NT5C1B: variants seen among roughly 807,000 people sequenced by gnomAD.
NT5C1B encodes the protein 5'-nucleotidase, cytosolic IB.
Under a neutral mutation model 57.8 loss-of-function variants are expected in NT5C1B, and 44 were observed. That is an observed-to-expected ratio of 0.76 (90% CI 0.60 to 0.98). The LOEUF is 0.98. Among genes scored for constraint, NT5C1B ranks in the 50% least tolerant of loss-of-function variants. The pLI is 0.00. For missense variants in NT5C1B, 742 were observed against 719.5 expected, an observed-to-expected ratio of 1.03 and a Z score of -0.36; for synonymous variants, 284 against 282.6, an observed-to-expected ratio of 1.00 and a Z score of -0.05.
rs772283998 is a variant in NT5C1B, at chr2:18,585,050, G to A, written c.259-72C>T. On this transcript the variant is annotated intron_variant, in intron 3 of 8. Coordinates refer to ENST00000304081, the Ensembl canonical transcript of NT5C1B. Reference sequence around the variant, plus strand: ...CTCCGGTCAAGGATCTGTCCCTTCTGCCTATTCCATTCCTAGACCTTTGAT... The same window carrying A: ...CTCCGGTCAAGGATCTGTCCCTTCTACCTATTCCATTCCTAGACCTTTGAT... 5.7e-6 allele frequency: 9 copies of A among 1,582,376 alleles called. No homozygotes were observed. The Admixed American group carries it at 8.3e-5, about 15-fold the overall frequency.
At chr2:18,581,203 A>G (rs1022779564) in intron 6 of NT5C1B, among the ~76,000 whole-genome samples, 1 of 152,236 alleles carries the variant, frequency 6.6e-6, no homozygotes, top group Non-Finnish European at 1.5e-5. Flanking sequence ...CATTGGTACA[A>G]GCTGTCTAGA....
In NT5C1B at chr2:18,584,280, G is replaced by C. The variant is rs1046211528; in HGVS notation, c.724-25C>G. 1.2e-6 allele frequency: 2 copies of C among 1,608,832 alleles called. No homozygotes were observed. Among genetic ancestry groups the C allele is most frequent in the South Asian group, 2.2e-5 (2 of 90,260 alleles). ...GCTGCAGAGAGGGACGCCAAAGGGA[G>C]GATAGTCACATAGCCACGAAGAGGA... is the stretch of plus-strand genomic sequence containing the variant. On this transcript the variant is annotated intron_variant, in intron 4 of 8. Transcript: ENST00000304081. The surrounding 1 kb of genome is among the most constrained non-coding windows in gnomAD (Gnocchi z 5.8).
At chr2:18,571,757 T>C (rs1572326611) in intron 8 of NT5C1B, among the ~76,000 whole-genome samples, 3 of 117,414 alleles carry the variant, frequency 2.6e-5, no homozygotes, top group Non-Finnish European at 5.0e-5. Flanking sequence ...TATATATATA[T>C]ATATATATGT....
intron 8 of NT5C1B, 134 bp downstream of exon 8, chr2:18,576,050 C>A: frequency 1.1e-6 from 1 of 929,582 alleles, no homozygotes; most frequent in Non-Finnish European, 1.5e-6. Context: ...AGAGAAAGCT[C>A]CAAAGATAAG....
At chr2:18,564,924 A>T (rs1664506432) in intron 8 of NT5C1B, among the ~76,000 whole-genome samples, 1 of 152,100 alleles carries the variant, frequency 6.6e-6, no homozygotes, top group Non-Finnish European at 1.5e-5. Context: ...CTTTTATAGT[A>T]CCCTCAGTCC....
rs769662251 is a variant in NT5C1B, at chr2:18,584,093, C to T, written c.886G>A (p.Val296Ile). The change falls in exon 5 of 9, where the codon GTC becomes ATC. Residue 296 changes from valine (V) to isoleucine (I), a missense_variant. Val to Ile is a conservative substitution (Grantham distance 29). Coordinates refer to ENST00000304081, the Ensembl canonical transcript of NT5C1B. This position sits in a 1 kb window ranked among gnomAD's most constrained non-coding sequence, Gnocchi z 5.8. ...AAAGACAGCTTGCAGAATACCTTGA[C>T]GAAGCGGAACGCCGGGCCCGGGGTC... The T allele has an allele frequency of 6.0e-5, 97 of 1,614,048 alleles. No homozygotes were observed. The highest frequency in any genetic ancestry group is 1.1e-4 in the African/African-American group (8 of 74,920).
At chr2:18,577,030 A>G in intron 6 of NT5C1B, 135 bp from the exon 7 acceptor site, 1 of 1,434,328 alleles carries the variant, frequency 7.0e-7, no homozygotes, top group Non-Finnish European at 9.3e-7. Context: ...CCTAAAGGAA[A>G]GTTACCTTAG....
intron 6 of NT5C1B, among the ~76,000 whole-genome samples, chr2:18,577,898 A>G (rs529222266): frequency 6.6e-6 from 1 of 152,274 alleles, no homozygotes; most frequent in African/African-American, 2.4e-5. Flanking sequence ...GAAAAATCCA[A>G]ATAAACACAA....
intron 8 of NT5C1B, among the ~76,000 whole-genome samples, chr2:18,564,872 T>A (rs1234513382): frequency 6.6e-6 from 1 of 152,140 alleles, no homozygotes; most frequent in South Asian, 2.1e-4. Context: ...TTTAAGAAGG[T>A]TTACATTATT....
At chr2:18,587,032 G>A (rs1443906524) in intron 2 of NT5C1B, 1 of 1,614,218 alleles carries the variant, frequency 6.2e-7, no homozygotes, top group Admixed American at 1.7e-5. Flanking sequence ...TCCCACAACA[G>A]GCACATGTGA....
exon 9 of NT5C1B, chr2:18,563,311 A>G (rs1664338419): frequency 6.6e-6 from 1 of 152,334 alleles, no homozygotes; most frequent in Non-Finnish European, 1.5e-5. Context: ...TGAAATTCTC[A>G]TTTTGCTTTG....
intron 6 of NT5C1B, among the ~76,000 whole-genome samples, chr2:18,582,534 C>G (rs1666269654): frequency 6.6e-6 from 1 of 152,210 alleles, no homozygotes; most frequent in African/African-American, 2.4e-5. Flanking sequence ...GAAGTTTGAT[C>G]ACACAGTAAA....
chr2:18,588,884 A>G (rs1275648931), intron 1 of NT5C1B, among the ~76,000 whole-genome samples: 8 of 152,222 alleles, frequency 5.3e-5, no homozygotes, highest in Middle Eastern at 3.4e-3. Context: ...TTCACTCTAT[A>G]CTTTATCACT....
At chr2:18,587,124 T>C (rs754006354) in intron 2 of NT5C1B, 1 of 1,614,098 alleles carries the variant, frequency 6.2e-7, no homozygotes, top group South Asian at 1.1e-5. Context: ...CGAGTGACCC[T>C]GGAAGGGGCA....
chr2:18,565,501 T>C (rs1280368503), intron 8 of NT5C1B, among the ~76,000 whole-genome samples: 1 of 152,220 alleles, frequency 6.6e-6, no homozygotes, highest in Non-Finnish European at 1.5e-5. Context: ...CAAGATCTTA[T>C]AAGTAGTGCT....
At chr2:18,563,891 G>A (rs780956283) in exon 9 of NT5C1B, 5 of 1,614,080 alleles carry the variant, frequency 3.1e-6, no homozygotes, top group Non-Finnish European at 4.2e-6. Context: ...AAGAAGATGT[G>A]GGGCCGGATC....
chr2:18,577,259 C>T (rs141642506), intron 6 of NT5C1B, among the ~76,000 whole-genome samples: 1 of 151,790 alleles, frequency 6.6e-6, no homozygotes, highest in Admixed American at 6.6e-5. Flanking sequence ...GATTTAGATG[C>T]ATAGAGCAGA....
chr2:18,576,083 C>G, intron 8 of NT5C1B, 101 bp downstream of exon 8: 2 of 1,285,426 alleles, frequency 1.6e-6, no homozygotes, highest in South Asian at 1.9e-5. Context: ...AGTGCCCTGC[C>G]TAGAATAACT....
rs115582680 is a variant in NT5C1B at position 18,572,712 on chromosome 2, G to T, written c.1329+3472C>A. 2.9e-3 allele frequency among the ~76,000 whole-genome samples: 446 copies of T among 152,174 alleles called. 3 individuals are homozygous for T. Among genetic ancestry groups the T allele is most frequent in the African/African-American group, 0.01 (422 of 41,542 alleles). On this transcript the variant is annotated intron_variant, in intron 8 of 8. Transcript: ENST00000304081. ...ATGCTCAGTAACATTTGTCATTAAA[G>T]AAATGAAGCCAAAACTACAATGAGA... is the stretch of plus-strand genomic sequence containing the variant.
Sources: gnomAD v4.1 joint callset for allele counts (sites outside exome capture counted in the v4.1 genomes callset) on GRCh38, gnomAD v4.1.1 for gene constraint, Gnocchi (gnomAD v3.1) non-coding constraint, MANE v1.5 for transcripts, NCBI Gene and HGNC (gene_info 2026-07-23, HGNC 2026-07-21) for gene names.